The following SLC4A7 variants were observed in gnomAD, a reference collection of about 807,000 sequenced individuals.
SLC4A7 encodes solute carrier family 4 member 7.
Under a neutral mutation model 137.6 loss-of-function variants are expected in SLC4A7, and 51 were observed. That is an observed-to-expected ratio of 0.37 (90% CI 0.30 to 0.47). The LOEUF (loss-of-function observed/expected upper bound fraction) is 0.47, where lower values mean the gene tolerates loss of function less well. Ranked by LOEUF, SLC4A7 falls within the 20% of genes least tolerant of loss-of-function variation. The pLI, the probability that SLC4A7 is intolerant of heterozygous loss-of-function variation, is 1.00. For synonymous variants in SLC4A7, 542 were observed against 518.6 expected (o/e 1.05, Z -0.61); for missense variants, 1,247 against 1,525.4 (o/e 0.82, Z 3.04).
chr3:27,458,032 A>T (rs887187247), intron 1 of SLC4A7, among the ~76,000 whole-genome samples: 1 of 152,182 alleles, frequency 6.6e-6, no homozygotes, highest in Non-Finnish European at 1.5e-5. Flanking sequence ...TGAAAATAAC[A>T]GCTAGTTGAG....
chr3:27,449,618 C>T (rs974354724), intron 2 of SLC4A7, among the ~76,000 whole-genome samples: 1 of 151,974 alleles, frequency 6.6e-6, no homozygotes, highest in Non-Finnish European at 1.5e-5. Context: ...TTGCATTATC[C>T]TAACTTTGCA....
In SLC4A7 at chr3:27,378,726, A is replaced by C. The variant is rs573672725; in HGVS notation, c.3698+523T>G. On this transcript the variant is annotated intron_variant, in intron 25 of 25. Transcript: ENST00000454389. ...TGGCATACTAAACCAAAACACAAGA[A>C]GGGAAACAACTTGTGTTTTTCTCTT... Among the ~76,000 whole-genome samples the C allele has an allele frequency of 5.8e-4, 88 of 152,316 alleles. 3 individuals are homozygous for C. In the South Asian group the frequency reaches 0.017, roughly 29 times the overall value.
chr3:27,459,169 C>G (rs9848011), intron 1 of SLC4A7, among the ~76,000 whole-genome samples: 140,698 of 152,118 alleles, frequency 0.92, 65,195 homozygotes, highest in East Asian at 1. Flanking sequence ...TTGAGTGGGA[C>G]GAAGGGAAGG....
intron 1 of SLC4A7, among the ~76,000 whole-genome samples, chr3:27,476,989 G>A (rs2059490002): frequency 6.6e-6 from 1 of 152,186 alleles, no homozygotes; most frequent in Non-Finnish European, 1.5e-5. Flanking sequence ...AGCCATCAGG[G>A]AATCTGGAGG....
intron 12 of SLC4A7, among the ~76,000 whole-genome samples, chr3:27,410,575 A>C (rs974236710): frequency 7.9e-5 from 12 of 152,208 alleles, no homozygotes; most frequent in African/African-American, 2.7e-4. Flanking sequence ...GCAATAAAAA[A>C]GGTGCCATCA....
chr3:27,399,269 G>A (rs1010102967), intron 16 of SLC4A7, among the ~76,000 whole-genome samples: 4 of 151,920 alleles, frequency 2.6e-5, no homozygotes, highest in African/African-American at 9.7e-5. Flanking sequence ...TGGCCCTTTG[G>A]GATAACATGA....
At chr3:27,449,141 C>T (rs1055386907) in intron 2 of SLC4A7, among the ~76,000 whole-genome samples, 1 of 151,576 alleles carries the variant, frequency 6.6e-6, no homozygotes, top group African/African-American at 2.4e-5. Flanking sequence ...ACCTCCTGAT[C>T]CGCCCACCTC....
chr3:27,464,154 C>G (rs183791086), intron 1 of SLC4A7, among the ~76,000 whole-genome samples: 1 of 152,186 alleles, frequency 6.6e-6, no homozygotes, highest in Non-Finnish European at 1.5e-5. Flanking sequence ...AGCCTGGGAG[C>G]AAGACTCCGT....
At position 27,431,280 on chromosome 3, in the gene SLC4A7, AG is replaced by A. The variant is rs772356566; in HGVS notation, c.1150+17del. 1.9e-4 allele frequency: 292 copies of A among 1,549,402 alleles called. No homozygotes were observed. The highest frequency in any genetic ancestry group is 1.7e-4 in the Admixed American group (9 of 51,848). On this transcript the variant is annotated intron_variant, in intron 7 of 25. Transcript: ENST00000454389. ...CAGAGGCAGAAAGCACCACACATGG[AG>A]GATTTTGGATAGTTGCCTGGAGTTA...
chr3:27,473,810 A>G (rs900152904), intron 1 of SLC4A7, among the ~76,000 whole-genome samples: 3 of 152,056 alleles, frequency 2.0e-5, no homozygotes, highest in Non-Finnish European at 4.4e-5. Flanking sequence ...TAAGTTATCT[A>G]ATAATACAAA....
chr3:27,444,431 G>T (rs776451729), intron 3 of SLC4A7, among the ~76,000 whole-genome samples: 3 of 151,978 alleles, frequency 2.0e-5, no homozygotes, highest in Non-Finnish European at 2.9e-5. Context: ...CTGGGATTCC[G>T]CTCATACATA....
In SLC4A7 at chr3:27,409,346, T is replaced by C; in HGVS notation, c.1941+10A>G. On this transcript the variant is annotated intron_variant, in intron 13 of 25. Coordinates refer to ENST00000454389, the MANE Select transcript of SLC4A7 (RefSeq NM_001321103.2). ...CTAAAAGCCTGGCCACTACCAATCTTTGTACTCACTATTCTGCCTTCTGTA... is the reference window on the plus strand; with the variant it reads ...CTAAAAGCCTGGCCACTACCAATCTCTGTACTCACTATTCTGCCTTCTGTA... 6.3e-7 allele frequency: 1 copy of C among 1,595,352 alleles called. No individual in the cohort carries two copies. The highest frequency in any genetic ancestry group is 1.8e-5 in the Admixed American group (1 of 55,554).
chr3:27,395,154 T>G lies in SLC4A7; in HGVS notation c.2704-39A>C, dbSNP rs1314516887. 5 of 1,448,850 alleles carry G rather than the reference T, an allele frequency of 3.5e-6. No homozygotes were observed. The South Asian group carries it at 7.0e-5, about 20-fold the overall frequency. 89.7% of individuals were successfully genotyped at this position (1,448,850 alleles called of 1,614,324 possible). ...AAATATAATTTTCAAAAAGTCTCCT[T>G]GCTGTATTGCACTAAATTTCCATAA... On this transcript the variant is annotated intron_variant, in intron 18 of 25. Coordinates refer to ENST00000454389, the MANE Select transcript of SLC4A7 (RefSeq NM_001321103.2).
At chr3:27,411,059 T>C (rs1448967804) in intron 12 of SLC4A7, among the ~76,000 whole-genome samples, 2 of 152,174 alleles carry the variant, frequency 1.3e-5, no homozygotes, top group Non-Finnish European at 2.9e-5. Context: ...GAAAATACTA[T>C]AACATTTATC....
At chr3:27,475,197 T>C (rs1332418346) in intron 1 of SLC4A7, among the ~76,000 whole-genome samples, 2 of 151,960 alleles carry the variant, frequency 1.3e-5, no homozygotes, top group African/African-American at 2.4e-5. Context: ...GATTTTTTTC[T>C]CTGTCCTCAT....
In SLC4A7 at chr3:27,440,547, G is replaced by A. The variant is rs190734791; in HGVS notation, c.290-3021C>T. On this transcript the variant is annotated intron_variant, in intron 3 of 25. Transcript: ENST00000454389. ...GTTCGAGACCAGCCTGGCCAGCATG[G>A]TGAAACCCCGTCTCTATGAAAAATA... 5.5e-3 allele frequency among the ~76,000 whole-genome samples: 836 copies of A among 152,034 alleles called. 5 individuals are homozygous for A. The highest frequency in any genetic ancestry group is 8.7e-3 in the Non-Finnish European group (590 of 67,958).
intron 1 of SLC4A7, among the ~76,000 whole-genome samples, chr3:27,456,326 G>T (rs960126387): frequency 6.6e-6 from 1 of 152,050 alleles, no homozygotes; most frequent in Non-Finnish European, 1.5e-5. Flanking sequence ...CATAGTTATC[G>T]AACACTTTAG....
chr3:27,415,795 A>C (rs149966444), intron 11 of SLC4A7, among the ~76,000 whole-genome samples: 25 of 152,364 alleles, frequency 1.6e-4, no homozygotes, highest in African/African-American at 5.8e-4. Context: ...TGTCTTTCTT[A>C]TAGTAATCTG....
chr3:27,430,936 A>C (rs1393425614), intron 7 of SLC4A7, among the ~76,000 whole-genome samples: 2 of 152,224 alleles, frequency 1.3e-5, no homozygotes, highest in Non-Finnish European at 2.9e-5. Context: ...TTGACCTTTA[A>C]ATCTAAGTGA....
Sources: gnomAD v4.1 joint callset for allele counts (sites outside exome capture counted in the v4.1 genomes callset) on GRCh38, gnomAD v4.1.1 for gene constraint, MANE v1.5 for transcripts, NCBI Gene and HGNC (gene_info 2026-07-23, HGNC 2026-07-21) for gene names.